The following ZUP1 variants were observed in gnomAD, a reference collection of about 807,000 sequenced individuals.
The protein encoded by ZUP1 is zinc finger-containing ubiquitin peptidase 1.
A neutral mutation model predicts 68.1 loss-of-function variants in ZUP1; 55 were observed. The ratio of observed to expected loss-of-function variants is 0.81; its 90% CI spans 0.65 to 1.01. The LOEUF is 1.01. Among genes scored for constraint, ZUP1 ranks in the 50% least tolerant of loss-of-function variants. ZUP1 has a pLI of 0.00. For synonymous variants in ZUP1, 223 were observed against 221.5 expected, an observed-to-expected ratio of 1.01 and a Z score of -0.06; for missense variants, 684 against 674.9, an observed-to-expected ratio of 1.01 and a Z score of -0.15.
In ZUP1 at chr6:116,660,657, T is replaced by A. The variant is rs962000845; in HGVS notation, c.670+79A>T. 18 of 726,150 alleles carry A rather than the reference T, an allele frequency of 2.5e-5. No individual in the cohort carries two copies. The African/African-American group carries it at 3.0e-4, about 12-fold the overall frequency. 45.0% of individuals were successfully genotyped at this position (726,150 alleles called of 1,614,324 possible). On this transcript the variant is annotated intron_variant, in intron 3 of 9. Transcript: ENST00000368576. ...TGTATTTTAAAATATTTTTTCCATA[T>A]CACAAATCTAAAAATTAGATATGTG...
At chr6:116,648,698 A>G (rs1451377865) in intron 7 of ZUP1, among the ~76,000 whole-genome samples, 2 of 152,122 alleles carry the variant, frequency 1.3e-5, no homozygotes, top group African/African-American at 4.8e-5. Flanking sequence ...GCAGTGGCTC[A>G]CGCCTGTGAT....
chr6:116,635,980 C>A (rs1047107033), intron 9 of ZUP1, 101 bp from the exon 10 acceptor site: 18 of 762,498 alleles, frequency 2.4e-5, no homozygotes, highest in Middle Eastern at 4.1e-4. Flanking sequence ...AATTTTTTTT[C>A]AAGATAATAA....
chr6:116,668,141 T>G (rs551570039), intron 1 of ZUP1, among the ~76,000 whole-genome samples: 1 of 152,344 alleles, frequency 6.6e-6, no homozygotes, highest in Non-Finnish European at 1.5e-5. Context: ...TTAAATAAAT[T>G]TACCTTTAAA....
intron 2 of ZUP1, among the ~76,000 whole-genome samples, chr6:116,663,403 G>C (rs1414290964): frequency 2.6e-5 from 4 of 152,002 alleles, no homozygotes; most frequent in Admixed American, 1.3e-4. Context: ...TTTCACTTCT[G>C]TACTTCTAAT....
chr6:116,658,568 C>T (rs1364700389), intron 4 of ZUP1, among the ~76,000 whole-genome samples: 2 of 151,948 alleles, frequency 1.3e-5, no homozygotes, highest in African/African-American at 4.8e-5. Context: ...AAAAAGGGGG[C>T]GTGGGAGGGC....
intron 7 of ZUP1, among the ~76,000 whole-genome samples, chr6:116,651,177 C>T (rs1399743789): frequency 6.6e-6 from 1 of 151,974 alleles, no homozygotes; most frequent in African/African-American, 2.4e-5. Flanking sequence ...AAAAAATCAG[C>T]AACAAGCAAT....
intron 2 of ZUP1, among the ~76,000 whole-genome samples, chr6:116,661,835 A>T (rs1406703039): frequency 6.6e-6 from 1 of 152,210 alleles, no homozygotes; most frequent in African/African-American, 2.4e-5. Flanking sequence ...TGAACACTAA[A>T]ATTTGAATTG....
rs962362625 is a variant in ZUP1 at position 116,635,720 on chromosome 6, GTTAAGAC to G, written c.*105_*111del. 5.3e-6 allele frequency: 4 copies of G among 757,248 alleles called. No individual in the cohort carries two copies. Among genetic ancestry groups the G allele is most frequent in the African/African-American group, 1.8e-5 (1 of 54,444 alleles). The allele number at this position is 757,248 out of a possible 1,614,324, so 46.9% of individuals were successfully genotyped here. ...AGGCATTTTAGAAATTAAATTATAT[GTTAAGAC>G]TTAAGAGAATTCACAGATTCATAAT... On this transcript the variant is annotated 3_prime_UTR_variant, in exon 10 of 10. Coordinates refer to ENST00000368576, the MANE Select transcript of ZUP1 (RefSeq NM_145062.3).
intron 9 of ZUP1, among the ~76,000 whole-genome samples, chr6:116,638,627 T>C (rs1476645064): frequency 6.6e-6 from 1 of 152,222 alleles, no homozygotes; most frequent in African/African-American, 2.4e-5. Flanking sequence ...GTTTTCTTAC[T>C]ATATGTTTAC....
rs1460394960 is a variant in ZUP1 at position 116,645,933 on chromosome 6, A to C, written c.1470T>G (p.Gly490=). The change falls in exon 9 of 10, where the codon GGT becomes GGG. Residue 490 remains glycine (G), a splice_region_variant and synonymous_variant. Transcript: ENST00000368576. ...CAATTCCAATAACAGTTCGACTGTGACCTATCAAAAGATTTTTAAGTTATA... is the reference window on the plus strand; with the variant it reads ...CAATTCCAATAACAGTTCGACTGTGCCCTATCAAAAGATTTTTAAGTTATA... ...SKPPIYLQHQ[G]HSRTVIGIEE... The C allele has an allele frequency of 1.2e-6, 2 of 1,607,042 alleles. No individual in the cohort carries two copies. The highest frequency in any genetic ancestry group is 1.3e-5 in the African/African-American group (1 of 74,474).
chr6:116,639,592 C>T (rs1776022704), intron 9 of ZUP1, among the ~76,000 whole-genome samples: 1 of 152,196 alleles, frequency 6.6e-6, no homozygotes, highest in African/African-American at 2.4e-5. Flanking sequence ...TGGAGTGGAC[C>T]TCTAGCAAAC....
intron 2 of ZUP1, among the ~76,000 whole-genome samples, chr6:116,664,879 G>GACACAC (rs144584776): frequency 1.5e-3 from 224 of 147,242 alleles, no homozygotes; most frequent in African/African-American, 5.0e-3. Context: ...CACAAGTACA[G>GACACAC]ACACACACAC....
At chr6:116,645,323 G>A (rs527351296) in intron 9 of ZUP1, among the ~76,000 whole-genome samples, 75 of 152,246 alleles carry the variant, frequency 4.9e-4, no homozygotes, top group African/African-American at 1.7e-3. Context: ...GCTCACGCCT[G>A]TAATCCCAAC....
At chr6:116,664,061 GA>G (rs376941179) in intron 2 of ZUP1, among the ~76,000 whole-genome samples, 72 of 152,140 alleles carry the variant, frequency 4.7e-4, no homozygotes, top group Admixed American at 2.0e-3. Flanking sequence ...AGATGAGAGG[GA>G]AAAAAATCTA....
intron 7 of ZUP1, among the ~76,000 whole-genome samples, chr6:116,648,083 C>G (rs1776369292): frequency 6.6e-6 from 1 of 152,168 alleles, no homozygotes; most frequent in Non-Finnish European, 1.5e-5. Context: ...ATCCTAAATA[C>G]TTTTCCTGTC....
At chr6:116,644,848 T>C (rs560547938) in intron 9 of ZUP1, among the ~76,000 whole-genome samples, 2 of 150,716 alleles carry the variant, frequency 1.3e-5, no homozygotes, top group South Asian at 4.2e-4. Context: ...ATAATAATAA[T>C]AATAATAAAT....
intron 9 of ZUP1, among the ~76,000 whole-genome samples, chr6:116,638,880 G>A (rs1243583859): frequency 6.6e-6 from 1 of 152,202 alleles, no homozygotes; most frequent in Non-Finnish European, 1.5e-5. Flanking sequence ...GAAGCAGGGC[G>A]AGGCATTGCC....
chr6:116,636,780 T>C (rs546561098), intron 9 of ZUP1, among the ~76,000 whole-genome samples: 1 of 152,294 alleles, frequency 6.6e-6, no homozygotes, highest in African/African-American at 2.4e-5. Flanking sequence ...TGGGATACCA[T>C]AAACTATCAT....
Position 116,656,765 on chromosome 6 carries a change from G to T in ZUP1, c.880C>A (p.Pro294Thr), listed in dbSNP as rs112787600. 5.2e-5 allele frequency: 84 copies of T among 1,612,348 alleles called. 1 individual carries two copies. Among genetic ancestry groups the T allele is most frequent in the African/African-American group, 3.2e-4 (24 of 74,960 alleles). ...EIEVNRGRMP[P>T]SEFHRRKADM... Reference sequence around the variant, plus strand: ...GCTTTTCTCCTATGAAATTCAGATGGAGGCATTCTTCCCCTATTTACTTCT... The same window carrying T: ...GCTTTTCTCCTATGAAATTCAGATGTAGGCATTCTTCCCCTATTTACTTCT... Residue 294 changes from proline (P) to threonine (T), a missense_variant, in exon 5 of 10, where the codon CCA (proline) becomes ACA (threonine). Transcript: ENST00000368576.
Sources: allele counts gnomAD v4.1 joint callset (sites outside exome capture counted in the v4.1 genomes callset), GRCh38; gene constraint gnomAD v4.1.1; transcripts MANE v1.5; gene names NCBI Gene and HGNC (gene_info 2026-07-23, HGNC 2026-07-21).